Variants in XKR5 observed in about 807,000 individuals in gnomAD.
XKR5 encodes XK related 5.
A neutral mutation model predicts 40.8 loss-of-function variants in XKR5; 46 were observed. That is an observed-to-expected ratio of 1.13 (90% CI 0.89 to 1.44). The LOEUF is 1.44. Ranked by LOEUF, XKR5 falls within the 40% of genes most tolerant of loss-of-function variation. The pLI is 0.00. For missense variants in XKR5, 1,169 were observed against 844.7 expected (o/e 1.38, Z -4.76); for synonymous variants, 466 against 356.1 (o/e 1.31, Z -3.48).
intron 4 of XKR5, 77 bp downstream of exon 4, chr8:6,823,444 T>C (rs1804327095): frequency 1.4e-6 from 2 of 1,440,168 alleles, no homozygotes; most frequent in East Asian, 2.5e-5. Flanking sequence ...GGATCATATG[T>C]GGTTATTCTT....
chr8:6,825,078 C>T (rs1333454972), intron 3 of XKR5, 87 bp downstream of exon 3: 30 of 1,517,376 alleles, frequency 2.0e-5, no homozygotes, highest in South Asian at 1.9e-4. Flanking sequence ...GAGGAAATCT[C>T]GAAGGGAGGG....
rs1803747262 is a variant in XKR5, at chr8:6,812,136, C to T, written c.1123G>A (p.Gly375Arg). ...ACCTGCTCAGGGGTAGGGGGCTTCC[C>T]TAAAATGGTTGGTTCATAACTTGCC... The part of the protein sequence containing the change: ...QGASYEPTIL[G>R]KPPTPEQVPP... The change falls in exon 7 of 7, where the codon GGG becomes AGG. Residue 375 changes from glycine to arginine, a missense_variant. Physicochemically the swap from Gly to Arg is moderately radical, Grantham distance 125. Transcript: ENST00000618742. The T allele has an allele frequency of 6.4e-7, 1 of 1,550,392 alleles. No homozygotes were observed.
intron 2 of XKR5, among the ~76,000 whole-genome samples, chr8:6,830,049 G>A (rs187725036): frequency 6.6e-6 from 1 of 152,012 alleles, no homozygotes; most frequent in Non-Finnish European, 1.5e-5. Flanking sequence ...GTGTTAGCCA[G>A]GATGGTCTGG....
intron 3 of XKR5, among the ~76,000 whole-genome samples, chr8:6,824,626 C>T (rs1403454279): frequency 1.3e-5 from 2 of 152,108 alleles, no homozygotes; most frequent in African/African-American, 4.8e-5. Flanking sequence ...AAACTCCTGG[C>T]CTCAAGTGAT....
chr8:6,819,795 A>G (rs540443465), intron 5 of XKR5, among the ~76,000 whole-genome samples: 1 of 151,698 alleles, frequency 6.6e-6, no homozygotes, highest in Admixed American at 6.6e-5. Flanking sequence ...GATATTGGCT[A>G]TCTTTACCCT....
intron 5 of XKR5, 93 bp downstream of exon 5, chr8:6,821,776 G>T: frequency 1.8e-6 from 2 of 1,115,154 alleles, no homozygotes; most frequent in Non-Finnish European, 2.5e-6. Context: ...GTGTGCATTG[G>T]TGCACACACA....
chr8:6,835,415 G>A, intron 1 of XKR5, 21 bp downstream of exon 1: 3 of 1,466,092 alleles, frequency 2.0e-6, no homozygotes, highest in African/African-American at 1.5e-5. Context: ...GGTGAGCACA[G>A]CCTCGGGCTG....
chr8:6,819,803 C>T (rs951803729), intron 5 of XKR5, among the ~76,000 whole-genome samples: 7 of 147,934 alleles, frequency 4.7e-5, no homozygotes, highest in Non-Finnish European at 8.9e-5. Context: ...CTATCTTTAC[C>T]CTCCACTTCC....
Position 6,810,935 on chromosome 8 carries a change from G to C in XKR5, c.*263C>G, listed in dbSNP as rs1015109901. The stretch of plus-strand genomic sequence containing the variant: ...AACCTACAGCTCATAAAAGGTAGCA[G>C]ACAATTTTGACTGGAATCTCTTTCT... On this transcript the variant is annotated 3_prime_UTR_variant, in exon 7 of 7. Coordinates refer to ENST00000618742, the MANE Select transcript of XKR5 (RefSeq NM_207411.5). 3.0e-6 allele frequency: 1 copy of C among 329,214 alleles called. No individual in the cohort carries two copies. The highest frequency in any genetic ancestry group is 5.5e-6 in the Non-Finnish European group (1 of 182,008). 20.4% of individuals were successfully genotyped at this position (329,214 alleles called of 1,614,324 possible).
chr8:6,832,999 G>T, intron 1 of XKR5, 99 bp from the exon 2 acceptor site: 1 of 1,102,140 alleles, frequency 9.1e-7, no homozygotes, highest in Non-Finnish European at 1.2e-6. Context: ...ATGTTATGAT[G>T]TTCTGACCTC....
In XKR5 at chr8:6,811,649, T is replaced by G. The variant is rs1455788258; in HGVS notation, c.1610A>C (p.Gln537Pro). Reference sequence around the variant, plus strand: ...GCTGAAGTACAACGTGGAACTCTGCTGTCCTTCCCCTCCTCTCTGCTGCCC... The same window carrying G: ...GCTGAAGTACAACGTGGAACTCTGCGGTCCTTCCCCTCCTCTCTGCTGCCC... ...TGGQQRGGEG[Q>P]QSSTLYFSAT... The change falls in exon 7 of 7, where the codon CAG (glutamine) becomes CCG (proline). Residue 537 changes from glutamine (Q) to proline (P), a missense_variant. Coordinates refer to ENST00000618742, the MANE Select transcript of XKR5 (RefSeq NM_207411.5). The G allele has an allele frequency of 3.3e-6, 5 of 1,537,528 alleles. No homozygotes were observed. Among genetic ancestry groups the G allele is most frequent in the Non-Finnish European group, 3.5e-6 (4 of 1,147,020 alleles).
chr8:6,817,979 C>T (rs953357351), intron 5 of XKR5, among the ~76,000 whole-genome samples: 2 of 152,204 alleles, frequency 1.3e-5, no homozygotes, highest in African/African-American at 4.8e-5. Flanking sequence ...TTTCCACTTC[C>T]CTGTCTCTGG....
rs946769519 is a variant in XKR5 at position 6,811,240 on chromosome 8, G to T, written c.2019C>A (p.Ser673Arg). The T allele has an allele frequency of 1.9e-5, 29 of 1,537,304 alleles. No homozygotes were observed. Among genetic ancestry groups the T allele is most frequent in the Middle Eastern group, 3.3e-4 (2 of 5,990 alleles). Residue 673 changes from serine to arginine, a missense_variant, in exon 7 of 7, where the codon AGC (serine) becomes AGA (arginine). By Grantham distance (110) the Ser-to-Arg change is moderately radical (BLOSUM62 -1). Transcript: ENST00000618742. Reference sequence around the variant, plus strand: ...GCTCTTGCTTCATCTGTTCCCTGCAGCTGCAGTCCGTTTGGATAGACTCAG... The same window carrying T: ...GCTCTTGCTTCATCTGTTCCCTGCATCTGCAGTCCGTTTGGATAGACTCAG... ...PKSESIQTDC[S>R]CREQMKQEPS...
intron 6 of XKR5, among the ~76,000 whole-genome samples, chr8:6,812,871 C>G (rs1271874320): frequency 6.6e-6 from 1 of 152,206 alleles, no homozygotes; most frequent in East Asian, 1.9e-4. Context: ...CAAGGAATTT[C>G]CATGAACAAC....
chr8:6,815,191 C>T (rs1475117421), intron 6 of XKR5, among the ~76,000 whole-genome samples: 4 of 152,078 alleles, frequency 2.6e-5, no homozygotes, highest in African/African-American at 4.8e-5. Context: ...AAGTGGGGGG[C>T]GGAATCCCTG....
chr8:6,816,507 C>T (rs1000585843), intron 5 of XKR5, among the ~76,000 whole-genome samples: 20 of 152,174 alleles, frequency 1.3e-4, no homozygotes, highest in South Asian at 2.1e-4. Context: ...GCTCTTTGTA[C>T]GCCCATCTGG....
At position 6,816,621 on chromosome 8, in the gene XKR5, CTG is replaced by C. The variant is rs748946002; in HGVS notation, c.808-705_808-704del. ...AATTCAAAGACGATATATTTAAATA[CTG>C]TGTGTTTTATATTTAATATATATTT... On this transcript the variant is annotated intron_variant, in intron 5 of 6. Coordinates refer to ENST00000618742, the MANE Select transcript of XKR5 (RefSeq NM_207411.5). Among the ~76,000 whole-genome samples the C allele has an allele frequency of 9.4e-5, 14 of 149,440 alleles. No homozygotes were observed. The South Asian group carries it at 1.9e-3, about 20-fold the overall frequency.
rs1216653958 is a variant in XKR5 at position 6,811,888 on chromosome 8, G to A, written c.1371C>T (p.Ser457=). Residue 457 remains serine, a synonymous_variant, in exon 7 of 7, where the codon TCC becomes TCT. Transcript: ENST00000618742. The stretch of plus-strand genomic sequence containing the variant: ...CTAAGGTTGAGGGGTCACGGGATGA[G>A]GATGGGAGCTCTTGCTGGGCAGACA... ...KALSAQQELP[S]SSRDPSTLEN... 6.5e-7 allele frequency: 1 copy of A among 1,537,486 alleles called. No homozygotes were observed. The highest frequency in any genetic ancestry group is 1.2e-5 in the South Asian group (1 of 84,064).
intron 2 of XKR5, among the ~76,000 whole-genome samples, chr8:6,828,234 A>T (rs1804608471): frequency 6.6e-6 from 1 of 152,128 alleles, no homozygotes; most frequent in South Asian, 2.1e-4. Context: ...AGGCAGAGAG[A>T]ATAAGGTGGT....
Sources: allele counts gnomAD v4.1 joint callset (sites outside exome capture counted in the v4.1 genomes callset), GRCh38; gene constraint gnomAD v4.1.1; transcripts MANE v1.5; gene names NCBI Gene and HGNC (gene_info 2026-07-23, HGNC 2026-07-21).